AQP9: variants seen among roughly 807,000 people sequenced by gnomAD.
AQP9 encodes aquaporin-9.
Under a neutral mutation model 23.8 loss-of-function variants are expected in AQP9, and 19 were observed. That is an observed-to-expected ratio of 0.80 (90% CI 0.56 to 1.17). The LOEUF (loss-of-function observed/expected upper bound fraction) is 1.17. Among genes scored for constraint, AQP9 ranks in the 50% most tolerant of loss-of-function variants. The pLI is 0.00. For missense variants in AQP9, 413 were observed against 362.0 expected (o/e 1.14, Z -1.14); for synonymous variants, 153 against 131.5 (o/e 1.16, Z -1.12).
chr15:58,155,817 A>T (rs1179588074), intron 1 of AQP9: 2 of 152,158 alleles, frequency 1.3e-5, no homozygotes, highest in African/African-American at 4.8e-5. Flanking sequence ...TCCATCCCTA[A>T]TAAACTAGGA....
At chr15:58,183,778 A>G (rs1898945440) in intron 5 of AQP9, among the ~76,000 whole-genome samples, 183 bp from the exon 6 acceptor site, 1 of 152,218 alleles carries the variant, frequency 6.6e-6, no homozygotes, top group Non-Finnish European at 1.5e-5. Context: ...ATCTGAAATC[A>G]GGTGTAGTGG....
intron 1 of AQP9, among the ~76,000 whole-genome samples, chr15:58,158,700 A>C (rs1019556933): frequency 6.6e-6 from 1 of 152,198 alleles, no homozygotes; most frequent in African/African-American, 2.4e-5. Context: ...AACTCTATAC[A>C]CTACAACATT....
chr15:58,148,450 C>T (rs564374878), intron 1 of AQP9, among the ~76,000 whole-genome samples: 44 of 151,940 alleles, frequency 2.9e-4, no homozygotes, highest in Non-Finnish European at 5.3e-4. Context: ...ATTTGCAGAC[C>T]CTGGAAACAC....
chr15:58,182,307 G>C (rs749864283), intron 5 of AQP9, among the ~76,000 whole-genome samples: 9 of 152,112 alleles, frequency 5.9e-5, no homozygotes, highest in South Asian at 2.1e-4. Context: ...ACATGTTCCT[G>C]GCATCTCCCG....
chr15:58,141,615 A>G (rs2140581143), intron 1 of AQP9, among the ~76,000 whole-genome samples: 1 of 152,316 alleles, frequency 6.6e-6, no homozygotes, highest in East Asian at 1.9e-4. Context: ...AAGGAAGGAC[A>G]GGGATGGTTG....
At chr15:58,179,553 CAGAG>C (rs1276016204) in intron 5 of AQP9, among the ~76,000 whole-genome samples, 1 of 145,984 alleles carries the variant, frequency 6.9e-6, no homozygotes, top group Non-Finnish European at 1.5e-5. Flanking sequence ...GAGAGAGAGA[CAGAG>C]AAAGAGAGGC....
At chr15:58,179,445 C>T (rs1446990367) in intron 5 of AQP9, 100 bp downstream of exon 5, 62 of 1,067,532 alleles carry the variant, frequency 5.8e-5, no homozygotes, top group African/African-American at 9.5e-5. Flanking sequence ...CAGATGACAG[C>T]GCCAACGTTA....
At chr15:58,150,896 A>C (rs1326203330) in intron 1 of AQP9, 1 of 152,182 alleles carries the variant, frequency 6.6e-6, no homozygotes, top group East Asian at 1.9e-4. Flanking sequence ...CACAGCCCTT[A>C]TACTAATTAT....
intron 1 of AQP9, among the ~76,000 whole-genome samples, chr15:58,159,393 C>G (rs1321167986): frequency 6.6e-6 from 1 of 151,936 alleles, no homozygotes; most frequent in East Asian, 1.9e-4. Context: ...TCATACATAA[C>G]AGATGTACAT....
chr15:58,174,855 G>C, intron 3 of AQP9, 63 bp from the exon 4 acceptor site: 1 of 1,397,980 alleles, frequency 7.2e-7, no homozygotes, highest in Non-Finnish European at 1.0e-6. Context: ...CACAAGGCTT[G>C]GCACAGGCCT....
chr15:58,146,388 G>A (rs1465913763), intron 1 of AQP9, among the ~76,000 whole-genome samples: 1 of 151,792 alleles, frequency 6.6e-6, no homozygotes, highest in Non-Finnish European at 1.5e-5. Context: ...CTAATCTTCT[G>A]TTTAACACGT....
chr15:58,179,672 G>A (rs1010424402), intron 5 of AQP9, among the ~76,000 whole-genome samples: 2 of 152,148 alleles, frequency 1.3e-5, no homozygotes, highest in Non-Finnish European at 2.9e-5. Context: ...CTTGTCTGCA[G>A]ATTCATTTTG....
intron 1 of AQP9, among the ~76,000 whole-genome samples, chr15:58,159,365 C>T (rs1262147180): frequency 2.6e-5 from 4 of 151,892 alleles, no homozygotes; most frequent in Admixed American, 6.6e-5. Context: ...GTTTTGCTTC[C>T]TGCGCTTCTT....
chr15:58,160,622 T>C (rs1288829389), intron 1 of AQP9, among the ~76,000 whole-genome samples: 1 of 143,768 alleles, frequency 7.0e-6, no homozygotes, highest in Non-Finnish European at 1.5e-5. Flanking sequence ...TGTATGGTTT[T>C]CCTCCAATTA....
intron 2 of AQP9, among the ~76,000 whole-genome samples, chr15:58,170,949 T>C (rs1392021526): frequency 1.3e-5 from 2 of 151,510 alleles, no homozygotes; most frequent in African/African-American, 2.4e-5. Flanking sequence ...GTTGTTGTTG[T>C]TGTTTGTTTT....
chr15:58,174,550 A>G (rs1898696533), intron 3 of AQP9, among the ~76,000 whole-genome samples: 1 of 152,190 alleles, frequency 6.6e-6, no homozygotes, highest in Non-Finnish European at 1.5e-5. Flanking sequence ...GGGGTTACTG[A>G]GAGCCCTCTG....
At chr15:58,181,330 T>C (rs1451460507) in intron 5 of AQP9, among the ~76,000 whole-genome samples, 3 of 152,214 alleles carry the variant, frequency 2.0e-5, no homozygotes, top group African/African-American at 7.2e-5. Context: ...TCCTTCACTG[T>C]TGTGTTTATA....
chr15:58,176,537 C>A (rs1251992757), intron 4 of AQP9, among the ~76,000 whole-genome samples: 2 of 151,380 alleles, frequency 1.3e-5, no homozygotes, highest in Non-Finnish European at 2.9e-5. Flanking sequence ...AGTATAGCGA[C>A]CATATTATAA....
chr15:58,153,362 A>C (rs1898186909), intron 1 of AQP9: 1 of 152,150 alleles, frequency 6.6e-6, no homozygotes, highest in Non-Finnish European at 1.5e-5. Context: ...ATAGTTGTAC[A>C]GTTTTTCTAC....
Sources: allele counts gnomAD v4.1 joint callset (sites outside exome capture counted in the v4.1 genomes callset), GRCh38; gene constraint gnomAD v4.1.1; transcripts MANE v1.5; gene names NCBI Gene and HGNC (gene_info 2026-07-23, HGNC 2026-07-21).